DHRS9: variants seen among roughly 807,000 people sequenced by gnomAD.
DHRS9 encodes the protein dehydrogenase/reductase 9.
Under a neutral mutation model 26.6 loss-of-function variants are expected in DHRS9, and 18 were observed. That is an observed-to-expected ratio of 0.68 (90% CI 0.47 to 1.00). DHRS9 has a LOEUF of 1.00. Among genes scored for constraint, DHRS9 ranks in the 50% least tolerant of loss-of-function variants. DHRS9 has a pLI of 0.00. For synonymous variants in DHRS9, 134 were observed against 141.1 expected, an observed-to-expected ratio of 0.95 and a Z score of 0.36; for missense variants, 425 against 378.7, an observed-to-expected ratio of 1.12 and a Z score of -1.01.
At chr2:169,079,918 G>GAGAGAGA (rs1684102301) in intron 1 of DHRS9, among the ~76,000 whole-genome samples, 1 of 28,034 alleles carries the variant, frequency 3.6e-5, no homozygotes. Flanking sequence ...AGGGAGGGAG[G>GAGAGAGA]GGGAGAGAGA....
intron 3 of DHRS9, among the ~76,000 whole-genome samples, chr2:169,090,865 C>G (rs976239909): frequency 6.6e-6 from 1 of 152,146 alleles, no homozygotes; most frequent in African/African-American, 2.4e-5. Flanking sequence ...AATACTCTCT[C>G]GCGATGCTGT....
At position 169,095,595 on chromosome 2, in the gene DHRS9, C is replaced by T. The variant is rs756233476; in HGVS notation, c.788C>T (p.Pro263Leu). The T allele has an allele frequency of 1.2e-5, 19 of 1,613,874 alleles. No individual in the cohort carries two copies. Among genetic ancestry groups the T allele is most frequent in the South Asian group, 5.5e-5 (5 of 91,066 alleles). Reference sequence around the variant, plus strand: ...TCCTATGTGAACATGGACCTCTCTCCGGTGGTAGAGTGCATGGACCACGCT... The same window carrying T: ...TCCTATGTGAACATGGACCTCTCTCTGGTGGTAGAGTGCATGGACCACGCT... ...NKSYVNMDLS[P>L]VVECMDHALT... The change falls in exon 5 of 5, where the codon CCG (proline) becomes CTG (leucine). Residue 263 changes from proline to leucine, a missense_variant. Transcript: ENST00000674881.
At chr2:169,084,686 G>A (rs1311078807) in intron 3 of DHRS9, among the ~76,000 whole-genome samples, 1 of 151,920 alleles carries the variant, frequency 6.6e-6, no homozygotes, top group Non-Finnish European at 1.5e-5. Context: ...TGGATTATTA[G>A]ACTTTTCCCC....
At position 169,085,883 on chromosome 2, in the gene DHRS9, A is replaced by G. The variant is rs186687303; in HGVS notation, c.572+2296A>G. On this transcript the variant is annotated intron_variant, in intron 3 of 4. Coordinates refer to ENST00000674881, the MANE Select transcript of DHRS9 (RefSeq NM_001376924.1). Reference sequence around the variant, plus strand: ...CTCCATTGTATGTTATTTGTTTTTGAGGAATCTCCAAACAAATATTGCTGC... The same window carrying G: ...CTCCATTGTATGTTATTTGTTTTTGGGGAATCTCCAAACAAATATTGCTGC... 5.9e-5 allele frequency among the ~76,000 whole-genome samples: 9 copies of G among 152,226 alleles called. No individual in the cohort carries two copies. The East Asian group carries it at 1.7e-3, about 29-fold the overall frequency.
intron 1 of DHRS9, among the ~76,000 whole-genome samples, chr2:169,080,729 A>C (rs574703679): frequency 6.6e-6 from 1 of 152,248 alleles, no homozygotes; most frequent in South Asian, 2.1e-4. Flanking sequence ...TACAGCATAC[A>C]TTTGCTTGGC....
chr2:169,086,962 T>C (rs1455560362), intron 3 of DHRS9, among the ~76,000 whole-genome samples: 1 of 152,150 alleles, frequency 6.6e-6, no homozygotes, highest in East Asian at 1.9e-4. Context: ...AGGCCCTCTG[T>C]AATATTGCCT....
chr2:169,069,872 T>C (rs1683747629), intron 1 of DHRS9, among the ~76,000 whole-genome samples, 155 bp downstream of exon 1: 2 of 152,258 alleles, frequency 1.3e-5, no homozygotes, highest in Non-Finnish European at 2.9e-5. Context: ...AACCCAGTGA[T>C]GGGAGCTGGG....
At chr2:169,082,613 T>G (rs1684224882) in intron 2 of DHRS9, among the ~76,000 whole-genome samples, 2 of 152,214 alleles carry the variant, frequency 1.3e-5, no homozygotes, top group South Asian at 4.1e-4. Flanking sequence ...GCTTCGATTT[T>G]TAACACTTGA....
At chr2:169,091,643 A>G (rs183858022) in intron 3 of DHRS9, 147 bp from the exon 4 acceptor site, 24 of 921,970 alleles carry the variant, frequency 2.6e-5, no homozygotes, top group Non-Finnish European at 3.7e-5. Flanking sequence ...CACTTGCAAA[A>G]TGAAAGGGAG....
chr2:169,080,046 AAAG>A (rs1181751193), intron 1 of DHRS9, among the ~76,000 whole-genome samples: 4 of 140,720 alleles, frequency 2.8e-5, no homozygotes, highest in Non-Finnish European at 6.2e-5. Context: ...AGAAAGAAAG[AAAG>A]AAAATAAAGT....
At chr2:169,078,300 T>C (rs904900684) in intron 1 of DHRS9, among the ~76,000 whole-genome samples, 9 of 152,194 alleles carry the variant, frequency 5.9e-5, no homozygotes, top group Admixed American at 5.2e-4. Context: ...TGCATGCCCC[T>C]GGTAAAAATG....
chr2:169,091,712 T>C (rs1272715241), intron 3 of DHRS9, 78 bp from the exon 4 acceptor site: 2 of 1,432,644 alleles, frequency 1.4e-6, no homozygotes, highest in Non-Finnish European at 1.9e-6. Flanking sequence ...AAAAGATTCG[T>C]GAGAAAATAG....
At chr2:169,078,667 A>C (rs554057344) in intron 1 of DHRS9, among the ~76,000 whole-genome samples, 1 of 152,272 alleles carries the variant, frequency 6.6e-6, no homozygotes, top group South Asian at 2.1e-4. Context: ...CTTACACAGA[A>C]AAGAGTTGGA....
At position 169,095,793 on chromosome 2, in the gene DHRS9, C is replaced by T; in HGVS notation, c.*26C>T. 6.2e-7 allele frequency: 1 copy of T among 1,604,166 alleles called. No individual in the cohort carries two copies. Among genetic ancestry groups the T allele is most frequent in the Non-Finnish European group, 8.5e-7 (1 of 1,172,278 alleles). ...CTCAGCTAACCACAAATGTCTCCTC[C>T]AGGCTATGAAATTGGCCGATTTCAA... On this transcript the variant is annotated 3_prime_UTR_variant, in exon 5 of 5. Transcript: ENST00000674881.
intron 1 of DHRS9, among the ~76,000 whole-genome samples, chr2:169,079,917 GGGGGAGAGAGAGAGAGA>G (rs1684102206): frequency 4.1e-5 from 2 of 48,692 alleles, no homozygotes; most frequent in Non-Finnish European, 7.1e-5. Flanking sequence ...GAGGGAGGGA[GGGGGAGAGAGAGAGAGA>G]GAGAGAGAGA....
Position 169,096,035 on chromosome 2 carries a change from A to G in DHRS9, c.*268A>G. The G allele has an allele frequency of 2.1e-6, 1 of 466,844 alleles. No individual in the cohort carries two copies. The highest frequency in any genetic ancestry group is 3.9e-6 in the Non-Finnish European group (1 of 258,038). 28.9% of individuals were successfully genotyped at this position (466,844 alleles called of 1,614,324 possible). A position where few individuals can be genotyped will look rare whatever the true frequency, so the allele number is the denominator to read the frequency against. On this transcript the variant is annotated 3_prime_UTR_variant, in exon 5 of 5. Coordinates refer to ENST00000674881, the MANE Select transcript of DHRS9 (RefSeq NM_001376924.1). ...TGCCTGCTTGGTGTGATGTAAGGGAAATTGAAAGACTTGCCCATTCAAAAT... is the reference window on the plus strand; with the variant it reads ...TGCCTGCTTGGTGTGATGTAAGGGAGATTGAAAGACTTGCCCATTCAAAAT...
intron 1 of DHRS9, chr2:169,074,395 C>T (rs984554210): frequency 2.8e-5 from 28 of 985,238 alleles, no homozygotes; most frequent in South Asian, 9.4e-5. Context: ...AAGAGATTTA[C>T]GCCCTATTAA....
At position 169,081,847 on chromosome 2, in the gene DHRS9, A is replaced by G. The variant is rs1574028903; in HGVS notation, c.266A>G (p.Asn89Ser). The G allele has an allele frequency of 3.1e-6, 5 of 1,613,766 alleles. No homozygotes were observed. The East Asian group carries it at 1.1e-4, about 36-fold the overall frequency. Residue 89 changes from asparagine (N) to serine (S), a missense_variant, in exon 2 of 5, where the codon AAT becomes AGT. Physicochemically the swap from Asn to Ser is conservative, Grantham distance 46. Transcript: ENST00000674881. Reference sequence around the variant, plus strand: ...CTTCTGGATGTGACCGACCCAGAGAATGTCAAGAGGACTGCCCAGTGGGTG... The same window carrying G: ...CTTCTGGATGTGACCGACCCAGAGAGTGTCAAGAGGACTGCCCAGTGGGTG... ...TVLLDVTDPE[N>S]VKRTAQWVKN...
At chr2:169,068,314 A>AGTTT (rs747113543), upstream of DHRS9, among the ~76,000 whole-genome samples, 16 of 152,288 alleles carry the variant, frequency 1.1e-4, no homozygotes, top group East Asian at 5.8e-4. Flanking sequence ...AGTAAATTTC[A>AGTTT]GTTTGTTTGT....
Sources: allele counts gnomAD v4.1 joint callset (sites outside exome capture counted in the v4.1 genomes callset), GRCh38; gene constraint gnomAD v4.1.1; transcripts MANE v1.5; gene names NCBI Gene and HGNC (gene_info 2026-07-23, HGNC 2026-07-21).